The following PHACTR4 variants were observed in gnomAD, a reference collection of about 807,000 sequenced individuals.
The protein encoded by PHACTR4 is phosphatase and actin regulator 4, also known as protein phosphatase 1, regulatory subunit 124.
PHACTR4 carries 51 observed loss-of-function variants against 72.7 expected under a neutral mutation model. The observed-to-expected ratio is 0.70, with a 90% CI of 0.56 to 0.89. The LOEUF (loss-of-function observed/expected upper bound fraction) is 0.89. Ranked by LOEUF, PHACTR4 falls within the 40% of genes least tolerant of loss-of-function variation. The pLI is 0.00. For synonymous variants in PHACTR4, 255 were observed against 302.5 expected (o/e 0.84, Z 1.63); for missense variants, 731 against 861.8 (o/e 0.85, Z 1.90).
At chr1:28,487,735 T>TTG (rs1660784308) in intron 9 of PHACTR4, among the ~76,000 whole-genome samples, 1 of 130,972 alleles carries the variant, frequency 7.6e-6, no homozygotes, top group Non-Finnish European at 1.6e-5. Context: ...TTGTTTTTTT[T>TTG]TTTTTTTTTT....
At chr1:28,370,178 A>G (rs919679768) in intron 1 of PHACTR4, among the ~76,000 whole-genome samples, 2 of 151,906 alleles carry the variant, frequency 1.3e-5, no homozygotes. Flanking sequence ...CCGGTCCCCA[A>G]CAGGGACTGC....
At chr1:28,399,820 G>T (rs1031500464) in intron 1 of PHACTR4, among the ~76,000 whole-genome samples, 5 of 152,130 alleles carry the variant, frequency 3.3e-5, no homozygotes, top group Non-Finnish European at 5.9e-5. Flanking sequence ...TGAAAAGGGG[G>T]TGCCAAGGAA....
At chr1:28,370,984 A>G (rs1291475167) in intron 1 of PHACTR4, among the ~76,000 whole-genome samples, 1 of 152,126 alleles carries the variant, frequency 6.6e-6, no homozygotes, top group Non-Finnish European at 1.5e-5. Flanking sequence ...GAGGTGTGGT[A>G]GATTCTTACC....
intron 2 of PHACTR4, among the ~76,000 whole-genome samples, chr1:28,431,588 C>T (rs1470213454): frequency 6.6e-6 from 1 of 152,048 alleles, no homozygotes; most frequent in South Asian, 2.1e-4. Context: ...TTACCGTGAT[C>T]TCAGTCTGTC....
intron 2 of PHACTR4, among the ~76,000 whole-genome samples, chr1:28,437,198 TAAAC>T (rs1656690853): frequency 6.6e-6 from 1 of 152,164 alleles, no homozygotes; most frequent in Non-Finnish European, 1.5e-5. Flanking sequence ...CTGGGGGGCT[TAAAC>T]AACAAACATT....
chr1:28,430,660 C>T (rs775928350), intron 2 of PHACTR4, among the ~76,000 whole-genome samples: 5 of 152,244 alleles, frequency 3.3e-5, no homozygotes, highest in Admixed American at 6.5e-5. Flanking sequence ...TTGGTCATCA[C>T]GTCCTAGAGG....
chr1:28,456,636 T>A (rs1658405055), intron 2 of PHACTR4, among the ~76,000 whole-genome samples: 1 of 152,004 alleles, frequency 6.6e-6, no homozygotes, highest in South Asian at 2.1e-4. Flanking sequence ...TAATTTTTTT[T>A]TTTTTTTAAG....
intron 1 of PHACTR4, among the ~76,000 whole-genome samples, chr1:28,372,580 G>A (rs567657582): frequency 2.0e-5 from 3 of 152,146 alleles, no homozygotes; most frequent in South Asian, 2.1e-4. Flanking sequence ...GGTTGGGCGC[G>A]GTGGCTCACA....
chr1:28,415,352 T>G (rs1243304996), intron 2 of PHACTR4, among the ~76,000 whole-genome samples: 2 of 152,068 alleles, frequency 1.3e-5, no homozygotes, highest in Non-Finnish European at 2.9e-5. Flanking sequence ...AGAGAGGATG[T>G]GCATAGAATT....
chr1:28,381,589 C>CGCCTG (rs1652173415), intron 1 of PHACTR4, among the ~76,000 whole-genome samples: 1 of 152,104 alleles, frequency 6.6e-6, no homozygotes, highest in Admixed American at 6.6e-5. Context: ...TGAGCCACTG[C>CGCCTG]GCCTGGCCTG....
At chr1:28,467,839 T>G (rs1019771793) in intron 6 of PHACTR4, among the ~76,000 whole-genome samples, 1 of 152,200 alleles carries the variant, frequency 6.6e-6, no homozygotes, top group African/African-American at 2.4e-5. Flanking sequence ...AAAGTTCTAT[T>G]TAAGTCTACT....
intron 12 of PHACTR4, among the ~76,000 whole-genome samples, chr1:28,492,275 A>G (rs1661082832): frequency 6.6e-6 from 1 of 151,436 alleles, no homozygotes; most frequent in Non-Finnish European, 1.5e-5. Flanking sequence ...CATCTCTACT[A>G]AAAATACAAA....
At chr1:28,493,146 T>C in intron 13 of PHACTR4, 55 bp downstream of exon 13, 1 of 1,465,946 alleles carries the variant, frequency 6.8e-7, no homozygotes, top group Non-Finnish European at 9.5e-7. Context: ...TCCAAAAAAT[T>C]GTTCAGATAT....
At position 28,370,291 on chromosome 1, in the gene PHACTR4, C is replaced by T. The variant is rs187810297; in HGVS notation, c.-39+466C>T. On this transcript the variant is annotated intron_variant, in intron 1 of 13. Transcript: ENST00000373839. Reference sequence around the variant, plus strand: ...CCCCTGCTGGGCAGAACGGGGGCTTCGGAGCCAGGCGGAGTTTCTGTAAAA... The same window carrying T: ...CCCCTGCTGGGCAGAACGGGGGCTTTGGAGCCAGGCGGAGTTTCTGTAAAA... Among the ~76,000 whole-genome samples the T allele has an allele frequency of 1.6e-4, 24 of 152,252 alleles. No homozygotes were observed. The East Asian group carries it at 4.6e-3, about 29-fold the overall frequency.
intron 2 of PHACTR4, among the ~76,000 whole-genome samples, chr1:28,422,282 A>G (rs1569897613): frequency 1.3e-5 from 2 of 152,230 alleles, no homozygotes; most frequent in African/African-American, 2.4e-5. Flanking sequence ...TGGGGAAAAA[A>G]TAATAATTAT....
At chr1:28,387,000 C>T (rs1402671493) in intron 1 of PHACTR4, among the ~76,000 whole-genome samples, 13 of 152,084 alleles carry the variant, frequency 8.5e-5, no homozygotes, top group Non-Finnish European at 1.5e-4. Context: ...AGATGGCTCA[C>T]GCCTGTAATC....
chr1:28,392,484 C>T (rs369761324), intron 1 of PHACTR4, among the ~76,000 whole-genome samples: 1 of 151,568 alleles, frequency 6.6e-6, no homozygotes. Context: ...CTCACTGCAA[C>T]CTCCACCTCC....
intron 6 of PHACTR4, among the ~76,000 whole-genome samples, chr1:28,473,300 G>A (rs1570063846): frequency 6.8e-6 from 1 of 146,378 alleles, no homozygotes; most frequent in South Asian, 2.2e-4. Context: ...AAAAAAAATT[G>A]TCATATCTGT....
intron 6 of PHACTR4, among the ~76,000 whole-genome samples, chr1:28,472,687 C>T (rs1292173950): frequency 2.6e-5 from 4 of 151,754 alleles, no homozygotes; most frequent in Admixed American, 6.6e-5. Context: ...CTGCAGCCTC[C>T]GCCTCCCAGG....
Sources: gnomAD v4.1 joint callset for allele counts (sites outside exome capture counted in the v4.1 genomes callset) on GRCh38, gnomAD v4.1.1 for gene constraint, MANE v1.5 for transcripts, NCBI Gene and HGNC (gene_info 2026-07-23, HGNC 2026-07-21) for gene names.